Variants in ZNF438 observed in about 807,000 individuals in gnomAD.
The protein encoded by ZNF438 is zinc finger protein 438.
Under a neutral mutation model 38.0 loss-of-function variants are expected in ZNF438, and 25 were observed. The ratio of observed to expected loss-of-function variants is 0.66; its 90% CI spans 0.48 to 0.92. The LOEUF (loss-of-function observed/expected upper bound fraction) is 0.92, where lower values mean the gene tolerates loss of function less well. Among genes scored for constraint, ZNF438 ranks in the 40% least tolerant of loss-of-function variants. The pLI, the probability that ZNF438 is intolerant of heterozygous loss-of-function variation, is 0.00. For missense variants in ZNF438, 1,007 were observed against 999.6 expected (o/e 1.01, Z -0.10); for synonymous variants, 372 against 364.1 (o/e 1.02, Z -0.25).
At chr10:30,919,144 T>G (rs1018047662) in intron 2 of ZNF438, 1 of 152,230 alleles carries the variant, frequency 6.6e-6, no homozygotes. Flanking sequence ...CTGTGGCTCC[T>G]TTTCTTCCTT....
chr10:30,915,406 C>T (rs940595164), intron 2 of ZNF438, among the ~76,000 whole-genome samples: 3 of 151,938 alleles, frequency 2.0e-5, no homozygotes, highest in Non-Finnish European at 2.9e-5. Flanking sequence ...TATTTAGGTA[C>T]TTCATATAAG....
intron 1 of ZNF438, among the ~76,000 whole-genome samples, chr10:30,955,749 C>A (rs1021758865): frequency 2.0e-5 from 3 of 152,196 alleles, no homozygotes; most frequent in African/African-American, 7.2e-5. Context: ...CTTGCTGTTT[C>A]ACACCACTGA....
chr10:30,930,839 A>AAAAAAAAAAAAAAAATTTT (rs2045602793), intron 2 of ZNF438, among the ~76,000 whole-genome samples: 1 of 118,218 alleles, frequency 8.5e-6, no homozygotes, highest in Non-Finnish European at 1.8e-5. Flanking sequence ...AAAAAAGCAA[A>AAAAAAAAAAAAAAAATTTT]TGGTTCTTTC....
At chr10:30,855,694 C>G (rs2034500279) in intron 4 of ZNF438, among the ~76,000 whole-genome samples, 1 of 152,182 alleles carries the variant, frequency 6.6e-6, no homozygotes, top group Non-Finnish European at 1.5e-5. Context: ...TCCAACCATA[C>G]AATGTAATAC....
chr10:30,945,401 T>C (rs867488124), intron 1 of ZNF438, among the ~76,000 whole-genome samples: 1 of 142,456 alleles, frequency 7.0e-6, no homozygotes, highest in African/African-American at 2.5e-5. Flanking sequence ...TTTTTTTTTT[T>C]ATTTTTTTTT....
chr10:30,853,310 T>C (rs1249839445), intron 4 of ZNF438, among the ~76,000 whole-genome samples: 3 of 152,206 alleles, frequency 2.0e-5, no homozygotes, highest in South Asian at 4.1e-4. Context: ...GATCTATGAC[T>C]TCCTCATCTC....
intron 2 of ZNF438, among the ~76,000 whole-genome samples, chr10:30,940,271 T>G (rs773897997): frequency 2.6e-5 from 4 of 152,112 alleles, no homozygotes; most frequent in Non-Finnish European, 5.9e-5. Context: ...GTCCTTACAA[T>G]CTAGGGTGGG....
In ZNF438 at chr10:30,980,113, G is replaced by C. The variant is rs78284382; in HGVS notation, c.-191-38462C>G. Among the ~76,000 whole-genome samples, 5 of 152,278 alleles carry C rather than the reference G, an allele frequency of 3.3e-5. No individual in the cohort carries two copies. The South Asian group carries it at 1.0e-3, about 32-fold the overall frequency. On this transcript the variant is annotated intron_variant, in intron 1 of 5. Coordinates refer to ENST00000413025, the Ensembl canonical transcript of ZNF438. ...AATAGCAAGAAGGCATGTGTGGCTA[G>C]AGGAGAGTGAGCAAGACAGTGAGTG...
chr10:30,868,167 T>C (rs2036789714), intron 4 of ZNF438, among the ~76,000 whole-genome samples: 1 of 152,044 alleles, frequency 6.6e-6, no homozygotes, highest in Admixed American at 6.6e-5. Context: ...TCTCCCCAGT[T>C]CAAGCAATTC....
intron 1 of ZNF438, among the ~76,000 whole-genome samples, chr10:31,024,075 T>G (rs2797907): frequency 0.75 from 113,812 of 152,108 alleles, 43,212 homozygotes; most frequent in African/African-American, 0.83. Context: ...CAACATGAGT[T>G]TCAAGAAACC....
intron 1 of ZNF438, among the ~76,000 whole-genome samples, chr10:30,952,466 C>A (rs2135824194): frequency 6.6e-6 from 1 of 152,000 alleles, no homozygotes; most frequent in South Asian, 2.1e-4. Context: ...GAACAGGCAA[C>A]CTACAAAATG....
chr10:30,871,722 T>C (rs746779666), intron 4 of ZNF438, among the ~76,000 whole-genome samples: 1 of 152,164 alleles, frequency 6.6e-6, no homozygotes, highest in Non-Finnish European at 1.5e-5. Flanking sequence ...TTTTATTGAA[T>C]CAGAAAATCT....
At chr10:30,851,496 C>G (rs908173518) in intron 4 of ZNF438, among the ~76,000 whole-genome samples, 3 of 152,212 alleles carry the variant, frequency 2.0e-5, no homozygotes, top group Non-Finnish European at 2.9e-5. Context: ...GCCAAGTCCA[C>G]AATCCCTTTT....
At chr10:30,973,834 G>A (rs533575034) in intron 1 of ZNF438, among the ~76,000 whole-genome samples, 14 of 152,258 alleles carry the variant, frequency 9.2e-5, no homozygotes, top group South Asian at 2.1e-4. Flanking sequence ...GTCAGCACTC[G>A]TTCCCAGCTC....
chr10:30,948,569 C>G (rs1236873260), intron 1 of ZNF438, among the ~76,000 whole-genome samples: 1 of 151,010 alleles, frequency 6.6e-6, no homozygotes, highest in African/African-American at 2.4e-5. Flanking sequence ...GCTGATGGAG[C>G]TGAAAACCAA....
intron 1 of ZNF438, among the ~76,000 whole-genome samples, chr10:31,008,874 T>C (rs1473256052): frequency 1.3e-5 from 2 of 152,238 alleles, no homozygotes; most frequent in Non-Finnish European, 2.9e-5. Flanking sequence ...CCATTTTAAA[T>C]TCCTACCAGC....
At chr10:30,984,557 T>C (rs1347946350) in intron 1 of ZNF438, 131 bp from the exon 2 acceptor site, 1 of 152,130 alleles carries the variant, frequency 6.6e-6, no homozygotes, top group Non-Finnish European at 1.5e-5. Flanking sequence ...ATAAAAGAAC[T>C]AATGTAGAAG....
At chr10:31,001,433 C>T (rs1014153645) in intron 1 of ZNF438, among the ~76,000 whole-genome samples, 1 of 152,074 alleles carries the variant, frequency 6.6e-6, no homozygotes, top group Non-Finnish European at 1.5e-5. Flanking sequence ...TGGGGAGGCC[C>T]ACCCTATTTC....
chr10:30,898,509 T>C (rs536191943), intron 3 of ZNF438, among the ~76,000 whole-genome samples: 85 of 152,240 alleles, frequency 5.6e-4, no homozygotes, highest in Middle Eastern at 6.8e-3. Context: ...TTGGGTATAA[T>C]ACATGTATGT....
Sources: allele counts gnomAD v4.1 joint callset (sites outside exome capture counted in the v4.1 genomes callset), GRCh38; gene constraint gnomAD v4.1.1; transcripts MANE v1.5; gene names NCBI Gene and HGNC (gene_info 2026-07-23, HGNC 2026-07-21).